Variants in TMEM217 observed in about 807,000 individuals in gnomAD.
TMEM217 encodes the protein chromosome 6 open reading frame 128.
For missense variants in TMEM217, 204 were observed against 248.8 expected, an observed-to-expected ratio of 0.82 and a Z score of 1.21; for synonymous variants, 76 against 88.3, an observed-to-expected ratio of 0.86 and a Z score of 0.78.
downstream of TMEM217, chr6:37,212,801 C>T (rs1762982399): frequency 3.9e-6 from 3 of 761,568 alleles, no homozygotes; most frequent in Non-Finnish European, 4.6e-6. Context: ...CTGATATTAG[C>T]CCTGTGGAAC....
chr6:37,254,988 C>T (rs1765637555), intron 1 of TMEM217, among the ~76,000 whole-genome samples: 1 of 152,158 alleles, frequency 6.6e-6, no homozygotes, highest in African/African-American at 2.4e-5. Context: ...GTTCAAACTC[C>T]TGTGAGAATC....
chr6:37,229,335 G>GTTTCTTTTTTT (rs1764039962), intron 1 of TMEM217, among the ~76,000 whole-genome samples: 1 of 74,368 alleles, frequency 1.3e-5, no homozygotes. Flanking sequence ...GCAACTTTCA[G>GTTTCTTTTTTT]TTTTTTTTTT....
At position 37,252,611 on chromosome 6, in the gene TMEM217, GTGTGTGTATATATA is replaced by G. The variant is rs1281774313; in HGVS notation, c.-12+4943_-12+4956del. Among the ~76,000 whole-genome samples, 48 of 91,418 alleles carry G rather than the reference GTGTGTGTATATATA, an allele frequency of 5.3e-4. 1 individual carries two copies. Among genetic ancestry groups the G allele is most frequent in the South Asian group, 3.8e-3 (10 of 2,664 alleles). 60.0% of individuals were successfully genotyped at this position (91,418 alleles called of 152,430 possible). On this transcript the variant is annotated intron_variant, in intron 1 of 1. Coordinates refer to ENST00000357219, the Ensembl canonical transcript of TMEM217. ...TGTATGTGTGTGTGTGTGTGTGTAT[GTGTGTGTATATATA>G]TATATATATATATTTTTTTTTTTTT...
intron 1 of TMEM217, among the ~76,000 whole-genome samples, chr6:37,229,342 T>TTTTTG (rs1554170971): frequency 3.2e-5 from 4 of 125,812 alleles, no homozygotes; most frequent in African/African-American, 9.4e-5. Flanking sequence ...TCAGTTTTTT[T>TTTTTG]TTTTTTTTTT....
In TMEM217 at chr6:37,244,464, C is replaced by T. The variant is rs560267198; in HGVS notation, c.-12+13104G>A. Among the ~76,000 whole-genome samples, 30 of 152,362 alleles carry T rather than the reference C, an allele frequency of 2.0e-4. No individual in the cohort carries two copies. In the South Asian group the frequency reaches 3.1e-3, roughly 16 times the overall value. ...TATAGCCTAACAAATACAACTGCCT[C>T]CAATCCTTGGCCTATAAACATGTTG... On this transcript the variant is annotated intron_variant, in intron 1 of 1. Coordinates refer to ENST00000357219, the Ensembl canonical transcript of TMEM217.
At chr6:37,249,615 C>G (rs1011336464) in intron 1 of TMEM217, among the ~76,000 whole-genome samples, 1 of 152,158 alleles carries the variant, frequency 6.6e-6, no homozygotes, top group East Asian at 1.9e-4. Flanking sequence ...GCCACCGCAC[C>G]CAGTGGAAGG....
intron 1 of TMEM217, among the ~76,000 whole-genome samples, chr6:37,251,488 G>A (rs942220405): frequency 3.3e-5 from 5 of 152,214 alleles, no homozygotes; most frequent in African/African-American, 9.6e-5. Context: ...ATAAGGGAAC[G>A]ATATATTGCA....
intron 1 of TMEM217, among the ~76,000 whole-genome samples, chr6:37,236,967 C>A (rs932803348): frequency 6.6e-6 from 1 of 152,188 alleles, no homozygotes; most frequent in African/African-American, 2.4e-5. Flanking sequence ...TCTGTGTGGG[C>A]TCCTTTGGGC....
chr6:37,244,488 T>C (rs1284446079), intron 1 of TMEM217, among the ~76,000 whole-genome samples: 1 of 152,252 alleles, frequency 6.6e-6, no homozygotes, highest in African/African-American at 2.4e-5. Context: ...ATAAACATGT[T>C]GAAGTCTCGT....
exon 2 of TMEM217, chr6:37,219,036 G>C: frequency 1.1e-5 from 17 of 1,609,314 alleles, no homozygotes; most frequent in Non-Finnish European, 1.3e-5. Context: ...TTCATGCTGA[G>C]ACCTCCTGTG....
At chr6:37,216,358 C>G (rs183898673), downstream of TMEM217, among the ~76,000 whole-genome samples, 5 of 152,136 alleles carry the variant, frequency 3.3e-5, no homozygotes, top group Non-Finnish European at 2.9e-5. Context: ...GGATTACAGA[C>G]GTGAGCCCCT....
chr6:37,217,663 C>G, exon 2 of TMEM217: 2 of 985,284 alleles, frequency 2.0e-6, no homozygotes, highest in Non-Finnish European at 2.4e-6. Context: ...TATTTTTATT[C>G]TTTTTCTTAT....
chr6:37,245,446 T>C (rs146215862), intron 1 of TMEM217, among the ~76,000 whole-genome samples: 2 of 152,218 alleles, frequency 1.3e-5, no homozygotes, highest in East Asian at 1.9e-4. Flanking sequence ...CATCACAAAC[T>C]CCTCCCGATT....
chr6:37,234,676 C>T (rs1764394001), intron 1 of TMEM217, among the ~76,000 whole-genome samples: 1 of 151,940 alleles, frequency 6.6e-6, no homozygotes, highest in South Asian at 2.1e-4. Context: ...GCAGAGGTTG[C>T]ACTGAGCCGA....
chr6:37,244,114 T>C (rs1392904848), intron 1 of TMEM217, among the ~76,000 whole-genome samples: 1 of 152,218 alleles, frequency 6.6e-6, no homozygotes, highest in East Asian at 1.9e-4. Context: ...CCTCTCATAA[T>C]CCTAACCTTG....
chr6:37,255,091 C>T (rs1055985635), intron 1 of TMEM217, among the ~76,000 whole-genome samples: 5 of 152,122 alleles, frequency 3.3e-5, no homozygotes, highest in African/African-American at 1.2e-4. Flanking sequence ...GGCCTGGTTC[C>T]TAACAGGCAA....
chr6:37,218,624 G>C, exon 2 of TMEM217: 1 of 1,614,182 alleles, frequency 6.2e-7, no homozygotes, highest in South Asian at 1.1e-5. Flanking sequence ...GTGCATGACT[G>C]TACGAGACAC....
At chr6:37,254,928 A>G (rs1192440597) in intron 1 of TMEM217, among the ~76,000 whole-genome samples, 1 of 152,192 alleles carries the variant, frequency 6.6e-6, no homozygotes, top group African/African-American at 2.4e-5. Flanking sequence ...GATTCTCATA[A>G]GGAGTGCGCA....
At chr6:37,245,667 C>T (rs1452325983) in intron 1 of TMEM217, among the ~76,000 whole-genome samples, 1 of 152,008 alleles carries the variant, frequency 6.6e-6, no homozygotes, top group Non-Finnish European at 1.5e-5. Flanking sequence ...CAACACAGAA[C>T]AACAGTGACA....
Sources: gnomAD v4.1 joint callset for allele counts (sites outside exome capture counted in the v4.1 genomes callset) on GRCh38, gnomAD v4.1.1 for gene constraint, MANE v1.5 for transcripts, NCBI Gene and HGNC (gene_info 2026-07-23, HGNC 2026-07-21) for gene names.